The following DISC1 variants were observed in gnomAD, a reference collection of about 807,000 sequenced individuals.
DISC1 encodes disrupted in schizophrenia 1 protein.
A neutral mutation model predicts 84.5 loss-of-function variants in DISC1; 57 were observed. The observed-to-expected ratio is 0.67, with a 90% CI of 0.55 to 0.84. The LOEUF (loss-of-function observed/expected upper bound fraction) is 0.84. Ranked by LOEUF, DISC1 falls within the 40% of genes least tolerant of loss-of-function variation. The probability of loss-of-function intolerance (pLI) is 0.00; values close to 1 mark genes in which losing one functional copy is unlikely to be tolerated. For synonymous variants in DISC1, 411 were observed against 415.2 expected (o/e 0.99, Z 0.12); for missense variants, 1,000 against 1,057.8 (o/e 0.95, Z 0.76).
intron 11 of DISC1, among the ~76,000 whole-genome samples, chr1:232,010,041 G>T (rs1279012287): frequency 6.6e-6 from 1 of 152,168 alleles, no homozygotes; most frequent in Admixed American, 6.5e-5. Flanking sequence ...GCAGACATTT[G>T]TGTTCTTAGT....
At chr1:231,818,550 A>G in intron 9 of DISC1, 33 bp downstream of exon 9, 1 of 1,613,218 alleles carries the variant, frequency 6.2e-7, no homozygotes, top group Non-Finnish European at 8.5e-7. Context: ...CCGGCAAGAT[A>G]TTGATGATAT....
At chr1:231,745,870 G>A (rs1410191095) in intron 3 of DISC1, among the ~76,000 whole-genome samples, 3 of 152,100 alleles carry the variant, frequency 2.0e-5, no homozygotes, top group Non-Finnish European at 4.4e-5. Context: ...TGGATCCCTC[G>A]AGAATGGCTT....
At chr1:231,687,217 C>G (rs2064394848) in intron 1 of DISC1, among the ~76,000 whole-genome samples, 1 of 152,162 alleles carries the variant, frequency 6.6e-6, no homozygotes, top group South Asian at 2.1e-4. Context: ...ATGCCCCACT[C>G]TACTGGTACC....
chr1:231,813,906 C>T (rs2080601918), intron 8 of DISC1, among the ~76,000 whole-genome samples: 1 of 152,054 alleles, frequency 6.6e-6, no homozygotes. Flanking sequence ...ATGGTAACTT[C>T]CTGGAGAGCA....
At chr1:231,801,024 T>C (rs1169548730) in intron 8 of DISC1, among the ~76,000 whole-genome samples, 1 of 152,138 alleles carries the variant, frequency 6.6e-6, no homozygotes, top group Non-Finnish European at 1.5e-5. Flanking sequence ...AAAAGAATCA[T>C]AAAAATTTAA....
At chr1:231,721,933 C>T (rs2069793951) in intron 3 of DISC1, among the ~76,000 whole-genome samples, 1 of 152,066 alleles carries the variant, frequency 6.6e-6, no homozygotes, top group Non-Finnish European at 1.5e-5. Context: ...GCGGGCAGAT[C>T]ATGAGGTCAG....
In DISC1 at chr1:231,969,578, A is replaced by G. The variant is rs115546111; in HGVS notation, c.2042+10690A>G. Among the ~76,000 whole-genome samples, 707 of 135,468 alleles carry G rather than the reference A, an allele frequency of 5.2e-3. 6 individuals carry two copies. Among genetic ancestry groups the G allele is most frequent in the African/African-American group, 0.018 (666 of 36,000 alleles). 88.9% of individuals were successfully genotyped at this position (135,468 alleles called of 152,430 possible). On this transcript the variant is annotated intron_variant, in intron 10 of 12. Coordinates refer to ENST00000439617, the MANE Select transcript of DISC1 (RefSeq NM_018662.3). ...TTTTGGGGTGAAGATACTCCAATAT[A>G]CTTGTTTCTTTCTTTCTTTCTTTTT...
intron 10 of DISC1, among the ~76,000 whole-genome samples, chr1:231,972,118 C>T (rs183263729): frequency 4.6e-5 from 7 of 152,256 alleles, no homozygotes; most frequent in African/African-American, 1.7e-4. Context: ...AAGCCTGTCT[C>T]TTTTAATTGA....
chr1:231,786,467 C>A (rs1036621664), intron 6 of DISC1, among the ~76,000 whole-genome samples: 105 of 152,210 alleles, frequency 6.9e-4, no homozygotes, highest in African/African-American at 2.4e-3. Context: ...GTGTTGTTGT[C>A]ACCTTGGATG....
At chr1:231,705,398 G>A (rs2066963575) in intron 3 of DISC1, among the ~76,000 whole-genome samples, 1 of 151,584 alleles carries the variant, frequency 6.6e-6, no homozygotes, top group South Asian at 2.1e-4. Flanking sequence ...CTTGGGGTGG[G>A]TGAAGAATCA....
chr1:231,648,133 A>G lies in DISC1; in HGVS notation c.67+21199A>G, dbSNP rs191027477. ...TGCTGAGAGAGGGCATCCCTGTCTT[A>G]TGCCAGTTTTCAAAGGTAATGCTTC... On this transcript the variant is annotated intron_variant, in intron 1 of 12. Transcript: ENST00000439617. Among the ~76,000 whole-genome samples the G allele has an allele frequency of 2.8e-3, 430 of 152,312 alleles. 7 individuals carry two copies. The highest frequency in any genetic ancestry group is 9.6e-3 in the East Asian group (50 of 5,184).
At chr1:231,935,843 G>A (rs2090950159) in intron 9 of DISC1, among the ~76,000 whole-genome samples, 1 of 152,174 alleles carries the variant, frequency 6.6e-6, no homozygotes, top group Admixed American at 6.6e-5. Flanking sequence ...AATTTTTATT[G>A]CACAAAACAT....
intron 9 of DISC1, among the ~76,000 whole-genome samples, chr1:231,928,709 C>A (rs1553398694): frequency 6.6e-6 from 1 of 152,146 alleles, no homozygotes; most frequent in Non-Finnish European, 1.5e-5. Context: ...TATAAATTTC[C>A]TTCTAAACAC....
At chr1:231,843,361 G>A (rs1478403173) in intron 9 of DISC1, among the ~76,000 whole-genome samples, 3 of 152,158 alleles carry the variant, frequency 2.0e-5, no homozygotes, top group Non-Finnish European at 2.9e-5. Flanking sequence ...AGGTGGGCTT[G>A]TGTACCACTT....
chr1:231,896,139 C>T (rs141549271), intron 9 of DISC1, among the ~76,000 whole-genome samples: 107 of 152,162 alleles, frequency 7.0e-4, no homozygotes, highest in Admixed American at 1.4e-3. Context: ...TGTTCATAGC[C>T]GACTGCATCA....
chr1:231,635,972 T>G (rs959213793), intron 1 of DISC1, among the ~76,000 whole-genome samples: 1 of 152,200 alleles, frequency 6.6e-6, no homozygotes, highest in Non-Finnish European at 1.5e-5. Context: ...CGGGGTGTAC[T>G]AAAATCATTA....
At chr1:231,914,175 C>T (rs1302066910) in intron 9 of DISC1, among the ~76,000 whole-genome samples, 1 of 152,270 alleles carries the variant, frequency 6.6e-6, no homozygotes, top group East Asian at 1.9e-4. Flanking sequence ...TGTGACATTA[C>T]ATCTGTGTTC....
In DISC1 at chr1:232,031,852, G is replaced by A. The variant is rs886704873; in HGVS notation, c.2426-4840G>A. Among the ~76,000 whole-genome samples the A allele has an allele frequency of 2.0e-5, 3 of 152,166 alleles. No individual in the cohort carries two copies. The highest frequency in any genetic ancestry group is 6.5e-5 in the Admixed American group (1 of 15,284). The stretch of plus-strand genomic sequence containing the variant: ...CTCTTGAAAGACTGTGATCCTCATG[G>A]CTTTTCCATGAGGATCTCCAGTACC... On this transcript the variant is annotated intron_variant, in intron 12 of 12. Transcript: ENST00000439617. This position sits in a 1 kb window ranked among gnomAD's most constrained non-coding sequence, Gnocchi z 4.6.
At chr1:231,771,247 C>G in intron 6 of DISC1, 177 bp downstream of exon 6, 1 of 984,976 alleles carries the variant, frequency 1.0e-6, no homozygotes, top group Non-Finnish European at 1.2e-6. Context: ...CAGTCCTGAA[C>G]ATTGCAAGTT....
Sources: allele counts gnomAD v4.1 joint callset (sites outside exome capture counted in the v4.1 genomes callset), GRCh38; gene constraint gnomAD v4.1.1; non-coding constraint Gnocchi (gnomAD v3.1); transcripts MANE v1.5; gene names NCBI Gene and HGNC (gene_info 2026-07-23, HGNC 2026-07-21).